RNLS: variants seen among roughly 807,000 people sequenced by gnomAD.
RNLS encodes the protein renalase, FAD dependent amine oxidase.
Under a neutral mutation model 39.8 loss-of-function variants are expected in RNLS, and 39 were observed. That is an observed-to-expected ratio of 0.98 (90% CI 0.76 to 1.28). The LOEUF (loss-of-function observed/expected upper bound fraction) is 1.28. Ranked by LOEUF, RNLS falls within the 50% of genes most tolerant of loss-of-function variation. RNLS has a pLI of 0.00. For missense variants in RNLS, 410 were observed against 413.3 expected (o/e 0.99, Z 0.07); for synonymous variants, 147 against 150.7 (o/e 0.98, Z 0.18).
intron 4 of RNLS, among the ~76,000 whole-genome samples, chr10:88,397,824 A>G (rs1326186930): frequency 1.3e-5 from 2 of 152,018 alleles, no homozygotes; most frequent in South Asian, 2.1e-4. Context: ...ACACTTCCCA[A>G]TTTCAAAACT....
At chr10:88,379,183 G>A (rs1342017317) in intron 4 of RNLS, among the ~76,000 whole-genome samples, 1 of 152,170 alleles carries the variant, frequency 6.6e-6, no homozygotes, top group Non-Finnish European at 1.5e-5. Context: ...CTGGAATGTT[G>A]TTGTGTGGCA....
At chr10:88,474,851 T>C (rs182890794) in intron 4 of RNLS, among the ~76,000 whole-genome samples, 20 of 152,286 alleles carry the variant, frequency 1.3e-4, no homozygotes, top group African/African-American at 4.6e-4. Flanking sequence ...AAGTTGGCTA[T>C]AGTTGCTGCC....
At chr10:88,570,816 G>A (rs952378460) in intron 4 of RNLS, among the ~76,000 whole-genome samples, 1 of 152,128 alleles carries the variant, frequency 6.6e-6, no homozygotes. Context: ...TAAAAACAGG[G>A]CACTTCAGTC....
At chr10:88,218,125 C>T in the RNLS span, among the ~76,000 whole-genome samples, 1 of 152,208 alleles carries the variant, frequency 6.6e-6, no homozygotes, top group Admixed American at 6.5e-5. Flanking sequence ...AAGCTGGGCT[C>T]CTGGGGCTAA....
intron 6 of RNLS, among the ~76,000 whole-genome samples, chr10:88,314,095 T>C (rs1845574898): frequency 6.6e-6 from 1 of 152,176 alleles, no homozygotes; most frequent in Non-Finnish European, 1.5e-5. Flanking sequence ...TATTGCAAAA[T>C]CTTGGGAAGT....
intron 4 of RNLS, among the ~76,000 whole-genome samples, chr10:88,478,408 C>A (rs957973535): frequency 6.6e-6 from 1 of 152,136 alleles, no homozygotes; most frequent in Non-Finnish European, 1.5e-5. Flanking sequence ...CACCTCAGGG[C>A]CAATTGCTAA....
At chr10:88,271,244 C>T (rs140607234), downstream of RNLS, among the ~76,000 whole-genome samples, 325 of 152,282 alleles carry the variant, frequency 2.1e-3, 6 homozygotes, top group Admixed American at 3.5e-3. Context: ...CTAGCTCTGT[C>T]CTTCACTGAT....
chr10:88,571,592 G>A (rs895489082), intron 4 of RNLS, among the ~76,000 whole-genome samples: 29 of 152,172 alleles, frequency 1.9e-4, no homozygotes, highest in African/African-American at 6.5e-4. Flanking sequence ...GTATCAGTAA[G>A]GAAAACTGGC....
intron 4 of RNLS, among the ~76,000 whole-genome samples, chr10:88,440,709 C>T (rs1417054223): frequency 6.6e-6 from 1 of 152,182 alleles, no homozygotes; most frequent in Admixed American, 6.5e-5. Flanking sequence ...AGAAAGGAAA[C>T]CTCTTTCCCA....
intron 4 of RNLS, among the ~76,000 whole-genome samples, chr10:88,525,569 C>T (rs1589955370): frequency 6.6e-6 from 1 of 152,050 alleles, no homozygotes; most frequent in South Asian, 2.1e-4. Context: ...TTACTACATA[C>T]GCAAACACTT....
chr10:88,471,160 A>C (rs1172049766), intron 4 of RNLS, among the ~76,000 whole-genome samples: 3 of 152,222 alleles, frequency 2.0e-5, no homozygotes, highest in Non-Finnish European at 4.4e-5. Context: ...AGGCTGGAAC[A>C]GAATGTGCTC....
At chr10:88,327,755 T>C (rs1419855001) in intron 5 of RNLS, among the ~76,000 whole-genome samples, 7 of 152,106 alleles carry the variant, frequency 4.6e-5, no homozygotes, top group Admixed American at 2.6e-4. Flanking sequence ...TATGTATGTA[T>C]GTACGTATGT....
the RNLS span, among the ~76,000 whole-genome samples, chr10:88,172,842 G>GTTTGTTTT: frequency 9.1e-5 from 4 of 43,780 alleles, no homozygotes; most frequent in Non-Finnish European, 1.1e-4. Context: ...ATTTTGAGTT[G>GTTTGTTTT]TTTTTTTTTT....
At chr10:88,269,456 T>G (rs1842589654), downstream of RNLS, among the ~76,000 whole-genome samples, 1 of 152,196 alleles carries the variant, frequency 6.6e-6, no homozygotes, top group African/African-American at 2.4e-5. Flanking sequence ...AAAACCAAAG[T>G]GACAGCTATA....
the RNLS span, among the ~76,000 whole-genome samples, chr10:88,232,672 T>C: frequency 6.6e-6 from 1 of 152,218 alleles, no homozygotes; most frequent in Non-Finnish European, 1.5e-5. Context: ...TCATTGGCTT[T>C]AAGGTGGCCA....
At chr10:88,211,406 A>G in the RNLS span, among the ~76,000 whole-genome samples, 6 of 152,312 alleles carry the variant, frequency 3.9e-5, no homozygotes, top group South Asian at 1.2e-3. Context: ...AGTTTACAGC[A>G]TGTTGGTGAA....
intron 6 of RNLS, among the ~76,000 whole-genome samples, chr10:88,289,926 G>A (rs1843545991): frequency 6.6e-6 from 1 of 152,142 alleles, no homozygotes; most frequent in East Asian, 1.9e-4. Context: ...CATGTATTAA[G>A]TTGAACCACA....
At chr10:88,175,233 G>A in the RNLS span, among the ~76,000 whole-genome samples, 2 of 151,420 alleles carry the variant, frequency 1.3e-5, no homozygotes, top group African/African-American at 4.9e-5. Context: ...TGTATTTTGG[G>A]GGCTGTATTT....
At chr10:88,479,219 A>G (rs1844005190) in intron 4 of RNLS, among the ~76,000 whole-genome samples, 1 of 152,220 alleles carries the variant, frequency 6.6e-6, no homozygotes, top group Non-Finnish European at 1.5e-5. Context: ...TAATTATATC[A>G]GAGCGAAAAG....
Sources: allele counts gnomAD v4.1 joint callset (sites outside exome capture counted in the v4.1 genomes callset), GRCh38; gene constraint gnomAD v4.1.1; transcripts MANE v1.5; gene names NCBI Gene and HGNC (gene_info 2026-07-23, HGNC 2026-07-21).